The following PDILT variants were observed in gnomAD, a reference collection of about 807,000 sequenced individuals.
PDILT encodes the protein protein disulfide-isomerase-like protein of the testis.
In PDILT, 43 loss-of-function variants were observed where a neutral mutation model predicts 53.7. The observed-to-expected ratio is 0.80, with a 90% confidence interval of 0.63 to 1.03. The LOEUF (loss-of-function observed/expected upper bound fraction) is 1.03, where lower values mean the gene tolerates loss of function less well. Ranked by LOEUF, PDILT falls within the 50% of genes least tolerant of loss-of-function variation. PDILT has a pLI of 0.00. For synonymous variants in PDILT, 282 were observed against 274.2 expected (o/e 1.03, Z -0.28); for missense variants, 727 against 712.3 (o/e 1.02, Z -0.24).
chr16:20,371,219 G>A (rs1308713645), intron 7 of PDILT, among the ~76,000 whole-genome samples: 1 of 152,154 alleles, frequency 6.6e-6, no homozygotes, highest in African/African-American at 2.4e-5. Flanking sequence ...GTCCAGTAAG[G>A]AGCTTGGGTT....
chr16:20,378,975 T>C lies in PDILT; in HGVS notation c.410-2774A>G, dbSNP rs562569433. Among the ~76,000 whole-genome samples, 21 of 152,238 alleles carry C rather than the reference T, an allele frequency of 1.4e-4. 1 individual carries two copies. The South Asian group carries it at 4.4e-3, about 32-fold the overall frequency. ...CTGTGAATATCCCACAACTTATTTGTCCATTCTCTGCTAATGGGCATTTAG... is the reference window on the plus strand; with the variant it reads ...CTGTGAATATCCCACAACTTATTTGCCCATTCTCTGCTAATGGGCATTTAG... On this transcript the variant is annotated intron_variant, in intron 3 of 11. Transcript: ENST00000302451.
At chr16:20,369,845 T>C (rs1002045466) in intron 7 of PDILT, among the ~76,000 whole-genome samples, 156 bp from the exon 8 acceptor site, 2 of 152,220 alleles carry the variant, frequency 1.3e-5, no homozygotes, top group African/African-American at 4.8e-5. Context: ...CCGAAATGCA[T>C]GGCAGGCAGT....
In PDILT at chr16:20,362,582, T is replaced by A; in HGVS notation, c.1238A>T (p.Tyr413Phe). ...CTTGCACTTTTTAGACCAGGGTGCA[T>A]CTGGAAGAGAAGGTCCATGGCTCAG... ...DKEKDVFVMF[Y>F]APWSKKCKML... Residue 413 changes from tyrosine (Y) to phenylalanine (F), a missense_variant and splice_region_variant, in exon 10 of 12, where the codon TAT becomes TTT. By Grantham distance (22) the Tyr-to-Phe change is conservative. Coordinates refer to ENST00000302451, the MANE Select transcript of PDILT (RefSeq NM_174924.2). The A allele has an allele frequency of 6.2e-7, 1 of 1,614,044 alleles. No homozygotes were observed. Among genetic ancestry groups the A allele is most frequent in the Non-Finnish European group, 8.5e-7 (1 of 1,179,958 alleles).
chr16:20,390,390 C>T (rs1966594039), intron 2 of PDILT, among the ~76,000 whole-genome samples: 1 of 152,100 alleles, frequency 6.6e-6, no homozygotes, highest in Non-Finnish European at 1.5e-5. Context: ...TCCTTCTGCC[C>T]TAAATCTGCA....
At chr16:20,401,871 G>A (rs1284571091) in intron 1 of PDILT, among the ~76,000 whole-genome samples, 1 of 152,260 alleles carries the variant, frequency 6.6e-6, no homozygotes, top group Admixed American at 6.5e-5. Flanking sequence ...ATCAAGGAAG[G>A]GGCAGTGGGA....
rs1398951239 is a variant in PDILT at position 20,395,824 on chromosome 16, CT to C, written c.202+3274del. On this transcript the variant is annotated intron_variant, in intron 2 of 11. Coordinates refer to ENST00000302451, the MANE Select transcript of PDILT (RefSeq NM_174924.2). ...GCCGCTGCTCCTCTCTCTTGTTCCC[CT>C]CTCACACATGATTGCTGCACACACC... is the stretch of plus-strand genomic sequence containing the variant. Among the ~76,000 whole-genome samples, 4 of 152,300 alleles carry C rather than the reference CT, an allele frequency of 2.6e-5. 1 individual carries two copies. Among genetic ancestry groups the C allele is most frequent in the Admixed American group, 2.0e-4 (3 of 15,302 alleles).
intron 3 of PDILT, among the ~76,000 whole-genome samples, chr16:20,383,709 C>T (rs1027739032): frequency 2.0e-5 from 3 of 152,170 alleles, no homozygotes; most frequent in African/African-American, 7.2e-5. Context: ...AGGCAGTTTC[C>T]GTTACTCAAG....
intron 2 of PDILT, chr16:20,390,795 G>A (rs1966598372): frequency 1.3e-5 from 2 of 152,316 alleles, no homozygotes; most frequent in South Asian, 2.1e-4. Context: ...CTCAAATCCA[G>A]TCTTCACCAC....
intron 2 of PDILT, among the ~76,000 whole-genome samples, chr16:20,391,676 A>G (rs1260678174): frequency 6.6e-6 from 1 of 152,134 alleles, no homozygotes; most frequent in Admixed American, 6.5e-5. Flanking sequence ...GAATGTTAGG[A>G]ATCAGGAGAT....
At position 20,369,618 on chromosome 16, in the gene PDILT, C is replaced by T; in HGVS notation, c.990G>A (p.Glu330=). 3 of 1,614,150 alleles carry T rather than the reference C, an allele frequency of 1.9e-6. No homozygotes were observed. Among genetic ancestry groups the T allele is most frequent in the Non-Finnish European group, 2.5e-6 (3 of 1,180,042 alleles). ...GRVFKYFRVT[E]VDIPSVQILN... is the part of the protein sequence containing the mutation. The stretch of plus-strand genomic sequence containing the variant: ...GGATTTGGACGGATGGGATATCGAC[C>T]TCTGTGACCCGGAAGTACTTGAAGA... The change falls in exon 8 of 12, where the codon GAG becomes GAA. Residue 330 remains glutamate, a synonymous_variant. Coordinates refer to ENST00000302451, the MANE Select transcript of PDILT (RefSeq NM_174924.2).
chr16:20,384,874 T>C, intron 2 of PDILT, 23 bp from the exon 3 acceptor site: 5 of 1,608,906 alleles, frequency 3.1e-6, no homozygotes, highest in Non-Finnish European at 4.3e-6. Context: ...GAAGACAAAA[T>C]TTGAGAGGCC....
chr16:20,368,696 A>G (rs1303713364), intron 8 of PDILT, among the ~76,000 whole-genome samples: 2 of 152,072 alleles, frequency 1.3e-5, no homozygotes, highest in African/African-American at 2.4e-5. Context: ...TCTAGGCTCA[A>G]GCAATGCTCC....
chr16:20,400,413 A>C (rs545828843), intron 1 of PDILT, among the ~76,000 whole-genome samples: 1,068 of 104,944 alleles, frequency 0.01, 8 homozygotes, highest in Non-Finnish European at 0.016. Flanking sequence ...ATCAGATGAT[A>C]CTTTTTTTTT....
At chr16:20,398,503 T>C (rs1221569467) in intron 2 of PDILT, among the ~76,000 whole-genome samples, 1 of 152,112 alleles carries the variant, frequency 6.6e-6, no homozygotes, top group Non-Finnish European at 1.5e-5. Context: ...TGGTGGCGGG[T>C]ACCTGCGATC....
intron 1 of PDILT, among the ~76,000 whole-genome samples, chr16:20,402,290 A>ATCTTTTCTTTTCTTT (rs57705875): frequency 0.028 from 4,132 of 149,596 alleles, 164 homozygotes; most frequent in East Asian, 0.16. Flanking sequence ...AGGAGTGTTG[A>ATCTTTTCTTTTCTTT]TCTTTTCTTT....
rs1475364086 is a variant in PDILT at position 20,372,938 on chromosome 16, C to A, written c.793-11G>T. The A allele has an allele frequency of 3.7e-6, 6 of 1,613,834 alleles. No individual in the cohort carries two copies. The highest frequency in any genetic ancestry group is 5.1e-6 in the Non-Finnish European group (6 of 1,179,918). ...AATCAGATCCTTATTCTGAAATGAC[C>A]AGGAAAATATGTCATCCCAAGCACA... On this transcript the variant is annotated splice_polypyrimidine_tract_variant and intron_variant, in intron 6 of 11. Transcript: ENST00000302451.
chr16:20,372,997 C>A lies in PDILT; in HGVS notation c.792+15G>T, dbSNP rs763667105. The A allele has an allele frequency of 1.9e-6, 3 of 1,613,842 alleles. No homozygotes were observed. Among genetic ancestry groups the A allele is most frequent in the East Asian group, 2.2e-5 (1 of 44,874 alleles). On this transcript the variant is annotated intron_variant, in intron 6 of 11. Transcript: ENST00000302451. ...CCCCAGCTCCCCTTCCTCCGGGGAC[C>A]ATTTACTCACTGACCTCAGTGTTGT...
intron 4 of PDILT, among the ~76,000 whole-genome samples, 156 bp downstream of exon 4, chr16:20,375,912 C>A (rs909458841): frequency 6.6e-6 from 1 of 152,316 alleles, no homozygotes; most frequent in East Asian, 1.9e-4. Flanking sequence ...CTTTCCATTC[C>A]TGTTCATTTG....
chr16:20,367,586 A>G (rs1299282411), intron 8 of PDILT, among the ~76,000 whole-genome samples: 1 of 152,148 alleles, frequency 6.6e-6, no homozygotes, highest in East Asian at 1.9e-4. Context: ...GACGGACACC[A>G]CCTCAGATCT....
Sources: gnomAD v4.1 joint callset for allele counts (sites outside exome capture counted in the v4.1 genomes callset) on GRCh38, gnomAD v4.1.1 for gene constraint, MANE v1.5 for transcripts, NCBI Gene and HGNC (gene_info 2026-07-23, HGNC 2026-07-21) for gene names.